DENND4A: variants seen among roughly 807,000 people sequenced by gnomAD.
The protein encoded by DENND4A is C-myc promoter-binding protein.
DENND4A carries 70 observed loss-of-function variants against 199.3 expected under a neutral mutation model. That is an observed-to-expected ratio of 0.35 (90% CI 0.29 to 0.43). The LOEUF is 0.43. Among genes scored for constraint, DENND4A ranks in the 20% least tolerant of loss-of-function variants. DENND4A has a pLI of 1.00. For synonymous variants in DENND4A, 686 were observed against 766.9 expected (o/e 0.89, Z 1.74); for missense variants, 1,723 against 2,255.8 (o/e 0.76, Z 4.78).
At chr15:65,773,304 T>C (rs974478184) in intron 1 of DENND4A, among the ~76,000 whole-genome samples, 1 of 152,242 alleles carries the variant, frequency 6.6e-6, no homozygotes, top group Admixed American at 6.5e-5. Flanking sequence ...CCTAAAATGG[T>C]ACCTCTACCA....
At chr15:65,779,462 A>AG (rs1022943203) in intron 1 of DENND4A, among the ~76,000 whole-genome samples, 18 of 151,062 alleles carry the variant, frequency 1.2e-4, no homozygotes, top group African/African-American at 3.4e-4. Flanking sequence ...AAAAAAAAAA[A>AG]AGAGAAGGAA....
chr15:65,744,116 G>A (rs2076325613), intron 4 of DENND4A, among the ~76,000 whole-genome samples: 1 of 152,098 alleles, frequency 6.6e-6, no homozygotes. Flanking sequence ...GGTAGCAACA[G>A]TGGGAATGAT....
At chr15:65,738,619 C>T (rs2076173786) in intron 6 of DENND4A, 87 bp downstream of exon 6, 5 of 1,117,776 alleles carry the variant, frequency 4.5e-6, no homozygotes, top group Admixed American at 2.6e-5. Context: ...TCAATTTAAT[C>T]AGTTTTTCCC....
intron 1 of DENND4A, among the ~76,000 whole-genome samples, chr15:65,770,445 T>C (rs146805734): frequency 1.9e-4 from 29 of 152,312 alleles, no homozygotes; most frequent in African/African-American, 6.3e-4. Context: ...TTATAGCCAT[T>C]TCCTCATATT....
chr15:65,787,200 C>G (rs1238661279), intron 1 of DENND4A, among the ~76,000 whole-genome samples: 2 of 152,108 alleles, frequency 1.3e-5, no homozygotes, highest in Non-Finnish European at 2.9e-5. Context: ...TAATAAAGTT[C>G]TGATCTTCAT....
At chr15:65,667,866 G>A in intron 28 of DENND4A, 59 bp downstream of exon 28, 3 of 1,555,918 alleles carry the variant, frequency 1.9e-6, no homozygotes, top group Non-Finnish European at 2.6e-6. Flanking sequence ...AAGACAAGGG[G>A]AACAAAATCA....
chr15:65,741,784 A>T lies in DENND4A; in HGVS notation c.562T>A (p.Trp188Arg). Reference protein sequence around the residue: ...KVDKNLNNSMWGSAVYLCYKK... With the variant: ...KVDKNLNNSMRGSAVYLCYKK... ...TAACACAAGTATACTGCTGATCCCC[A>T]CTGGATTTAAAAAAATAGAAATATC... Residue 188 changes from tryptophan to arginine, a missense_variant and splice_region_variant, in exon 5 of 33, where the codon TGG (tryptophan) becomes AGG (arginine). Physicochemically the swap from Trp to Arg is moderately radical, Grantham distance 101 (BLOSUM62 -3). Transcript: ENST00000443035. 2 of 1,608,698 alleles carry T rather than the reference A, an allele frequency of 1.2e-6. No individual in the cohort carries two copies. Among genetic ancestry groups the T allele is most frequent in the Non-Finnish European group, 1.7e-6 (2 of 1,176,948 alleles).
chr15:65,736,994 A>G (rs1484223003), intron 7 of DENND4A, among the ~76,000 whole-genome samples: 1 of 152,218 alleles, frequency 6.6e-6, no homozygotes, highest in African/African-American at 2.4e-5. Context: ...ATTACTGCAT[A>G]TATTGCCAAA....
intron 1 of DENND4A, among the ~76,000 whole-genome samples, chr15:65,767,974 C>T (rs1341748849): frequency 6.6e-6 from 1 of 152,106 alleles, no homozygotes; most frequent in East Asian, 1.9e-4. Flanking sequence ...ATGATGAAAT[C>T]AGTTCTCCGT....
intron 32 of DENND4A, among the ~76,000 whole-genome samples, chr15:65,663,212 AT>A (rs1195563437): frequency 5.1e-5 from 5 of 97,262 alleles, no homozygotes; most frequent in Non-Finnish European, 8.8e-5. Context: ...TTTTTTTTTT[AT>A]TTTTTTTTTT....
chr15:65,729,787 GT>G, intron 9 of DENND4A, 109 bp from the exon 10 acceptor site: 1 of 960,826 alleles, frequency 1.0e-6, no homozygotes, highest in Non-Finnish European at 1.5e-6. Flanking sequence ...TATTATATAT[GT>G]TGATTAGGGT....
intron 1 of DENND4A, among the ~76,000 whole-genome samples, chr15:65,779,278 A>G (rs1284346486): frequency 6.6e-6 from 1 of 151,814 alleles, no homozygotes; most frequent in East Asian, 1.9e-4. Flanking sequence ...CAACATGGTG[A>G]AACCCCGTCT....
intron 23 of DENND4A, chr15:65,680,555 G>C (rs979368624): frequency 1.3e-5 from 2 of 152,058 alleles, no homozygotes. Context: ...TGTTTGAGTA[G>C]ATTATAAAAA....
intron 32 of DENND4A, among the ~76,000 whole-genome samples, chr15:65,662,304 A>C (rs948552881): frequency 2.0e-5 from 3 of 152,230 alleles, no homozygotes; most frequent in African/African-American, 7.2e-5. Flanking sequence ...CAGGATTGAC[A>C]AAAAGTTTTT....
At chr15:65,691,747 T>G (rs1293330150) in intron 22 of DENND4A, among the ~76,000 whole-genome samples, 1 of 152,082 alleles carries the variant, frequency 6.6e-6, no homozygotes, top group Admixed American at 6.6e-5. Flanking sequence ...AGCTCAGAGT[T>G]ACCCAGTCCT....
At position 65,783,852 on chromosome 15, in the gene DENND4A, A is replaced by G. The variant is rs1450826978; in HGVS notation, c.-102+8158T>C. Reference sequence around the variant, plus strand: ...AACGGAGAAGAAAAAAAGACTATCCATAGCAGAAGAATTCCAAATAATTTT... The same window carrying G: ...AACGGAGAAGAAAAAAAGACTATCCGTAGCAGAAGAATTCCAAATAATTTT... On this transcript the variant is annotated intron_variant, in intron 1 of 32. Coordinates refer to ENST00000443035, the MANE Select transcript of DENND4A (RefSeq NM_001320835.1). 2.0e-5 allele frequency among the ~76,000 whole-genome samples: 3 copies of G among 152,210 alleles called. No homozygotes were observed. In the East Asian group the frequency reaches 5.8e-4, roughly 29 times the overall value.
chr15:65,675,995 T>C (rs2076362593), intron 24 of DENND4A, among the ~76,000 whole-genome samples: 1 of 151,756 alleles, frequency 6.6e-6, no homozygotes, highest in Non-Finnish European at 1.5e-5. Flanking sequence ...AATTTTGTAC[T>C]ATATAGCTGA....
chr15:65,754,560 C>T (rs2076651802), intron 3 of DENND4A, among the ~76,000 whole-genome samples: 1 of 152,102 alleles, frequency 6.6e-6, no homozygotes, highest in African/African-American at 2.4e-5. Flanking sequence ...ATTAAGAACT[C>T]TTATAGCTCA....
intron 23 of DENND4A, among the ~76,000 whole-genome samples, chr15:65,678,684 C>CA (rs1488817200): frequency 3.3e-5 from 5 of 152,106 alleles, no homozygotes; most frequent in Admixed American, 3.3e-4. Flanking sequence ...TCTTTTACAA[C>CA]ATTTTTATCT....
Sources: allele counts gnomAD v4.1 joint callset (sites outside exome capture counted in the v4.1 genomes callset), GRCh38; gene constraint gnomAD v4.1.1; transcripts MANE v1.5; gene names NCBI Gene and HGNC (gene_info 2026-07-23, HGNC 2026-07-21).